Variants in MEIKIN observed in about 807,000 individuals in gnomAD.
The protein encoded by MEIKIN is meiotic kinetochore factor, also known as meiosis-specific kinetochore protein.
At chr5:131,866,205 C>T (rs188355046) in intron 9 of MEIKIN, among the ~76,000 whole-genome samples, 1 of 152,334 alleles carries the variant, frequency 6.6e-6, no homozygotes, top group East Asian at 1.9e-4. Context: ...TCCAGATCTG[C>T]AAGTGGCACA....
At chr5:131,876,373 C>T (rs1208711533) in intron 9 of MEIKIN, among the ~76,000 whole-genome samples, 6 of 151,506 alleles carry the variant, frequency 4.0e-5, no homozygotes, top group Non-Finnish European at 7.4e-5. Context: ...GACATTTATG[C>T]GGCCAACGGA....
chr5:131,878,919 A>G (rs1332556878), intron 9 of MEIKIN, 59 bp downstream of exon 9: 1 of 396,674 alleles, frequency 2.5e-6, no homozygotes, highest in Non-Finnish European at 4.4e-6. Flanking sequence ...AGTTAAAAGT[A>G]TATTCTTTAT....
At chr5:131,868,718 A>C (rs1428617028) in intron 9 of MEIKIN, among the ~76,000 whole-genome samples, 1 of 136,474 alleles carries the variant, frequency 7.3e-6, no homozygotes, top group East Asian at 2.1e-4. Context: ...CTGTCTCTAC[A>C]AAAAAAAAAA....
At chr5:131,903,192 G>A (rs935289118) in intron 8 of MEIKIN, among the ~76,000 whole-genome samples, 1 of 152,116 alleles carries the variant, frequency 6.6e-6, no homozygotes. Context: ...ACACCTAAAA[G>A]AGAAGGAAAG....
At chr5:131,885,050 CT>C (rs1750755805) in intron 8 of MEIKIN, among the ~76,000 whole-genome samples, 1 of 152,280 alleles carries the variant, frequency 6.6e-6, no homozygotes, top group South Asian at 2.1e-4. Flanking sequence ...GGTTTTCACT[CT>C]AATTCCTGGC....
At chr5:131,821,501 T>C (rs2149603405) in intron 11 of MEIKIN, among the ~76,000 whole-genome samples, 1 of 152,298 alleles carries the variant, frequency 6.6e-6, no homozygotes, top group South Asian at 2.1e-4. Flanking sequence ...TATAAATATC[T>C]ATTAGGTCCA....
intron 9 of MEIKIN, among the ~76,000 whole-genome samples, chr5:131,857,470 G>T (rs1750215119): frequency 6.6e-6 from 1 of 152,130 alleles, no homozygotes; most frequent in Non-Finnish European, 1.5e-5. Context: ...GGGCAGTCTT[G>T]TCCATGAGAT....
intron 8 of MEIKIN, among the ~76,000 whole-genome samples, chr5:131,890,989 A>G (rs1750903236): frequency 1.3e-5 from 2 of 152,228 alleles, no homozygotes; most frequent in Non-Finnish European, 2.9e-5. Flanking sequence ...GTAGTCATTC[A>G]GGAGCAGGTT....
At chr5:131,829,493 C>G (rs1749676842) in intron 11 of MEIKIN, among the ~76,000 whole-genome samples, 1 of 152,056 alleles carries the variant, frequency 6.6e-6, no homozygotes, top group South Asian at 2.1e-4. Context: ...TAAGAATGCT[C>G]TAGGAGAGAC....
intron 8 of MEIKIN, among the ~76,000 whole-genome samples, chr5:131,898,583 A>G (rs543090158): frequency 2.5e-4 from 38 of 152,358 alleles, no homozygotes; most frequent in African/African-American, 8.9e-4. Flanking sequence ...GGCTCTGCCC[A>G]GTTCGAGCTT....
chr5:131,852,338 T>TCCC (rs1244044548), intron 10 of MEIKIN, among the ~76,000 whole-genome samples: 1 of 152,110 alleles, frequency 6.6e-6, no homozygotes, highest in African/African-American at 2.4e-5. Flanking sequence ...ACAGGCCTCT[T>TCCC]CCCCTTCCAC....
intron 11 of MEIKIN, among the ~76,000 whole-genome samples, chr5:131,847,247 G>C (rs1750037019): frequency 6.6e-6 from 1 of 151,960 alleles, no homozygotes; most frequent in Non-Finnish European, 1.5e-5. Flanking sequence ...TTCTCCCATA[G>C]AAAAACTGGG....
At chr5:131,904,251 G>A (rs2149640308) in intron 8 of MEIKIN, among the ~76,000 whole-genome samples, 1 of 152,264 alleles carries the variant, frequency 6.6e-6, no homozygotes, top group East Asian at 1.9e-4. Flanking sequence ...GACAGTATCA[G>A]ACAGATTGTC....
Position 131,882,331 on chromosome 5 carries a change from G to A in MEIKIN, c.704-3283C>T, listed in dbSNP as rs571537644. 2.6e-5 allele frequency among the ~76,000 whole-genome samples: 4 copies of A among 152,226 alleles called. No homozygotes were observed. The East Asian group carries it at 7.7e-4, about 29-fold the overall frequency. ...AAAAGTACCACCTCTTAGAACCTTA[G>A]GACCACAGATGCACTGGACCCAGAC... On this transcript the variant is annotated intron_variant, in intron 8 of 12. Transcript: ENST00000442687.
intron 8 of MEIKIN, among the ~76,000 whole-genome samples, chr5:131,902,119 G>A (rs527587989): frequency 1.3e-5 from 2 of 152,218 alleles, no homozygotes; most frequent in South Asian, 4.1e-4. Context: ...CTCCCTCTTT[G>A]CCTTCTGCCA....
intron 8 of MEIKIN, among the ~76,000 whole-genome samples, chr5:131,879,667 C>T (rs1395437502): frequency 2.0e-5 from 3 of 152,222 alleles, no homozygotes; most frequent in Non-Finnish European, 2.9e-5. Context: ...TCCTCTCCTC[C>T]TATTTACTTC....
At chr5:131,894,540 G>A (rs996507704) in intron 8 of MEIKIN, among the ~76,000 whole-genome samples, 5 of 152,202 alleles carry the variant, frequency 3.3e-5, no homozygotes, top group Non-Finnish European at 5.9e-5. Context: ...TGCATGGAAT[G>A]TTCTTCCATT....
At chr5:131,927,157 T>C (rs1247522060) in intron 5 of MEIKIN, among the ~76,000 whole-genome samples, 2 of 148,368 alleles carry the variant, frequency 1.3e-5, no homozygotes, top group East Asian at 2.2e-4. Context: ...TTTTGCTATA[T>C]CCCACGTTTT....
chr5:131,903,447 G>T (rs1159620311), intron 8 of MEIKIN, among the ~76,000 whole-genome samples: 1 of 152,186 alleles, frequency 6.6e-6, no homozygotes, highest in African/African-American at 2.4e-5. Context: ...GCTAACAGCA[G>T]ACCTATCAGC....
Sources: gnomAD v4.1 joint callset for allele counts (sites outside exome capture counted in the v4.1 genomes callset) on GRCh38, gnomAD v4.1.1 for gene constraint, MANE v1.5 for transcripts, NCBI Gene and HGNC (gene_info 2026-07-23, HGNC 2026-07-21) for gene names.